The following ACBD7 variants were observed in gnomAD, a reference collection of about 807,000 sequenced individuals.
The protein encoded by ACBD7 is acyl-CoA-binding domain-containing protein 7.
Under a neutral mutation model 13.7 loss-of-function variants are expected in ACBD7, and 11 were observed. The observed-to-expected ratio is 0.80, with a 90% CI of 0.50 to 1.33. ACBD7 has a LOEUF of 1.33. Among genes scored for constraint, ACBD7 ranks in the 40% most tolerant of loss-of-function variants. The probability of loss-of-function intolerance (pLI) is 0.00; values close to 1 mark genes in which losing one functional copy is unlikely to be tolerated. For missense variants in ACBD7, 111 were observed against 103.0 expected (o/e 1.08, Z -0.33); for synonymous variants, 43 against 37.7 (o/e 1.14, Z -0.51).
Position 15,077,275 on chromosome 10 carries a change from C to T in ACBD7, c.*1255G>A, listed in dbSNP as rs1284431864. Among the ~76,000 whole-genome samples, 4 of 152,028 alleles carry T rather than the reference C, an allele frequency of 2.6e-5. No homozygotes were observed. Among genetic ancestry groups the T allele is most frequent in the Non-Finnish European group, 5.9e-5 (4 of 68,006 alleles). On this transcript the variant is annotated 3_prime_UTR_variant, in exon 4 of 4. Coordinates refer to ENST00000356189, the MANE Select transcript of ACBD7 (RefSeq NM_001039844.3). ...CAGCCATATAAAGAGAATGAAATTA[C>T]GGCTTTTGCAGCAACGTGGGTGGAA...
chr10:15,080,455 C>T (rs897348828), intron 1 of ACBD7, among the ~76,000 whole-genome samples: 6 of 152,114 alleles, frequency 3.9e-5, no homozygotes, highest in African/African-American at 1.4e-4. Context: ...TGGTGCGTGC[C>T]TGTAATCCCA....
intron 1 of ACBD7, among the ~76,000 whole-genome samples, chr10:15,086,921 G>A (rs1446080604): frequency 8.6e-5 from 13 of 151,762 alleles, no homozygotes. Flanking sequence ...GCTGAGGCAG[G>A]AGAATCGGTT....
intron 1 of ACBD7, among the ~76,000 whole-genome samples, chr10:15,086,016 A>C (rs1844804026): frequency 6.6e-6 from 1 of 152,180 alleles, no homozygotes; most frequent in African/African-American, 2.4e-5. Context: ...CATTTTTAAA[A>C]GTTACTTTCA....
At chr10:15,084,571 A>G (rs769670868) in intron 1 of ACBD7, among the ~76,000 whole-genome samples, 2 of 152,160 alleles carry the variant, frequency 1.3e-5, no homozygotes, top group African/African-American at 2.4e-5. Flanking sequence ...GAGCACAGGG[A>G]CTCAAGATCC....
chr10:15,087,812 A>T (rs1844826638), intron 1 of ACBD7, among the ~76,000 whole-genome samples: 1 of 105,814 alleles, frequency 9.5e-6, no homozygotes, highest in Admixed American at 9.0e-5. Flanking sequence ...ACTCCATCTT[A>T]AAAAAAAAAA....
chr10:15,082,115 C>T (rs1371064776), intron 1 of ACBD7, among the ~76,000 whole-genome samples: 1 of 151,882 alleles, frequency 6.6e-6, no homozygotes, highest in Non-Finnish European at 1.5e-5. Flanking sequence ...TGGAGAAACC[C>T]GTCTCTACTG....
At chr10:15,083,551 G>A (rs1297696335) in intron 1 of ACBD7, among the ~76,000 whole-genome samples, 1 of 152,092 alleles carries the variant, frequency 6.6e-6, no homozygotes, top group African/African-American at 2.4e-5. Context: ...GCACAATCAC[G>A]GCTCACTGCA....
In ACBD7 at chr10:15,076,416, A is replaced by T. The variant is rs1303204483; in HGVS notation, c.*2114T>A. On this transcript the variant is annotated 3_prime_UTR_variant, in exon 4 of 4. Transcript: ENST00000356189. ...ATTTTAGTTTGCCTTTTTGTCTTAAATGTCTTAAATGTAAAAATTTAAAGA... is the reference window on the plus strand; with the variant it reads ...ATTTTAGTTTGCCTTTTTGTCTTAATTGTCTTAAATGTAAAAATTTAAAGA... 1 of 980,278 alleles carries T rather than the reference A, an allele frequency of 1.0e-6. No individual in the cohort carries two copies. Among genetic ancestry groups the T allele is most frequent in the East Asian group, 1.1e-4 (1 of 8,788 alleles). The allele number at this position is 980,278 out of a possible 1,614,324, so 60.7% of individuals were successfully genotyped here. A position where few individuals can be genotyped will look rare whatever the true frequency, so the allele number is the denominator to read the frequency against.
At position 15,077,138 on chromosome 10, in the gene ACBD7, A is replaced by G. The variant is rs554182552; in HGVS notation, c.*1392T>C. On this transcript the variant is annotated 3_prime_UTR_variant, in exon 4 of 4. Transcript: ENST00000356189. ...CTATCCAAAAGATACCTGCACTTGT[A>G]TATCTATTGCAGCACAATTCACAAG... Among the ~76,000 whole-genome samples, 28 of 152,352 alleles carry G rather than the reference A, an allele frequency of 1.8e-4. No individual in the cohort carries two copies. The highest frequency in any genetic ancestry group is 6.7e-4 in the African/African-American group (28 of 41,584).
rs1437023707 is a variant in ACBD7, at chr10:15,079,028, T to C, written c.25A>G (p.Arg9Gly). The change falls in exon 2 of 4, where the codon AGG (arginine) becomes GGG (glycine). Residue 9 changes from arginine (R) to glycine (G), a missense_variant. By Grantham distance (125) the Arg-to-Gly change is moderately radical. Transcript: ENST00000356189. MALQADFD[R>G]AAEDVRKLKA... is the part of the protein sequence containing the mutation. ...AGCTTCCTCACATCTTCTGCAGCCC[T>C]GTCAAAATCAGCCTAAAGGAAGAAC... 1 of 1,606,242 alleles carries C rather than the reference T, an allele frequency of 6.2e-7. No homozygotes were observed. Among genetic ancestry groups the C allele is most frequent in the Non-Finnish European group, 8.5e-7 (1 of 1,176,182 alleles).
intron 1 of ACBD7, among the ~76,000 whole-genome samples, chr10:15,083,512 C>T (rs756889055): frequency 5.3e-5 from 8 of 152,182 alleles, no homozygotes; most frequent in Non-Finnish European, 8.8e-5. Context: ...GAGACAGTCT[C>T]GCTCTGTTGT....
chr10:15,082,668 T>C (rs1191835849), intron 1 of ACBD7, among the ~76,000 whole-genome samples: 1 of 152,130 alleles, frequency 6.6e-6, no homozygotes, highest in Non-Finnish European at 1.5e-5. Flanking sequence ...TAAAGTCTCA[T>C]ATTATTTTCC....
chr10:15,076,569 C>A lies in ACBD7; in HGVS notation c.*1961G>T. The A allele has an allele frequency of 1.3e-6, 1 of 748,576 alleles. No individual in the cohort carries two copies. Among genetic ancestry groups the A allele is most frequent in the Non-Finnish European group, 1.6e-6 (1 of 619,300 alleles). The allele number at this position is 748,576 out of a possible 1,614,324, so 46.4% of individuals were successfully genotyped here. On this transcript the variant is annotated 3_prime_UTR_variant, in exon 4 of 4. Transcript: ENST00000356189. Reference sequence around the variant, plus strand: ...CCAGGCTGGAGTGCAGTGGTGTGATCTTGGCTCACTGCAACCTCCATCTCC... The same window carrying A: ...CCAGGCTGGAGTGCAGTGGTGTGATATTGGCTCACTGCAACCTCCATCTCC...
chr10:15,079,046 G>T lies in ACBD7; in HGVS notation c.13-6C>A, dbSNP rs568234071. Reference sequence around the variant, plus strand: ...GCAGCCCTGTCAAAATCAGCCTAAAGGAAGAACAAACAAACAAACAAAAGG... The same window carrying T: ...GCAGCCCTGTCAAAATCAGCCTAAATGAAGAACAAACAAACAAACAAAAGG... On this transcript the variant is annotated splice_polypyrimidine_tract_variant and splice_region_variant and intron_variant, in intron 1 of 3. Transcript: ENST00000356189. 5.6e-6 allele frequency: 9 copies of T among 1,597,158 alleles called. No homozygotes were observed. The African/African-American group carries it at 1.1e-4, about 19-fold the overall frequency.
chr10:15,085,889 C>G (rs1480384258), intron 1 of ACBD7, among the ~76,000 whole-genome samples: 1 of 152,198 alleles, frequency 6.6e-6, no homozygotes. Flanking sequence ...CACCTTTCCT[C>G]TCATTTCCAC....
At position 15,078,536 on chromosome 10, in the gene ACBD7, T is replaced by C; in HGVS notation, c.261A>G (p.Gly87=). ...ATTCCTCATATGCTGTATTCTAAAT[T>C]CCGTATTTTTCTATCAGCTCCTTTG... ...SKAKELIEKY[G]I The change falls in exon 4 of 4, where the codon GGA becomes GGG. Residue 87 remains glycine, a synonymous_variant. Coordinates refer to ENST00000356189, the MANE Select transcript of ACBD7 (RefSeq NM_001039844.3). The C allele has an allele frequency of 1.2e-6, 2 of 1,614,142 alleles. No homozygotes were observed. The highest frequency in any genetic ancestry group is 1.7e-6 in the Non-Finnish European group (2 of 1,180,030).
At chr10:15,086,740 A>G (rs1256765596) in intron 1 of ACBD7, among the ~76,000 whole-genome samples, 1 of 152,032 alleles carries the variant, frequency 6.6e-6, no homozygotes, top group African/African-American at 2.4e-5. Flanking sequence ...AAAGCCTGGC[A>G]TGGTGGCTCA....
chr10:15,084,392 T>C (rs1844785415), intron 1 of ACBD7, among the ~76,000 whole-genome samples: 1 of 152,160 alleles, frequency 6.6e-6, no homozygotes, highest in East Asian at 1.9e-4. Context: ...TATAGAGCCA[T>C]GGACATTGAA....
Position 15,076,256 on chromosome 10 carries a change from T to A in ACBD7, c.*2274A>T, listed in dbSNP as rs1844680376. The A allele has an allele frequency of 1.0e-6, 1 of 985,388 alleles. No homozygotes were observed. The highest frequency in any genetic ancestry group is 1.2e-6 in the Non-Finnish European group (1 of 829,920). 61.0% of individuals were successfully genotyped at this position (985,388 alleles called of 1,614,324 possible). ...ATTTTTTGAATTGTTAACATGAGACTGTCTTCTTTCAAAGAGCCTGTGTAC... is the reference window on the plus strand; with the variant it reads ...ATTTTTTGAATTGTTAACATGAGACAGTCTTCTTTCAAAGAGCCTGTGTAC... On this transcript the variant is annotated 3_prime_UTR_variant, in exon 4 of 4. Transcript: ENST00000356189.
Sources: allele counts gnomAD v4.1 joint callset (sites outside exome capture counted in the v4.1 genomes callset), GRCh38; gene constraint gnomAD v4.1.1; transcripts MANE v1.5; gene names NCBI Gene and HGNC (gene_info 2026-07-23, HGNC 2026-07-21).